CSK: variants seen among roughly 807,000 people sequenced by gnomAD.
CSK encodes the protein C-terminal Src kinase, also known as tyrosine-protein kinase CSK.
A neutral mutation model predicts 62.3 loss-of-function variants in CSK; 7 were observed. That is an observed-to-expected ratio of 0.11 (90% CI 0.06 to 0.21). The LOEUF (loss-of-function observed/expected upper bound fraction) is 0.21, where lower values mean the gene tolerates loss of function less well. Ranked by LOEUF, CSK falls within the 10% of genes least tolerant of loss-of-function variation. The pLI is 1.00. For missense variants in CSK, 294 were observed against 613.5 expected, an observed-to-expected ratio of 0.48 and a Z score of 5.50; for synonymous variants, 237 against 246.0, an observed-to-expected ratio of 0.96 and a Z score of 0.34.
At position 74,784,075 on chromosome 15, in the gene CSK, T is replaced by C. The variant is rs34925935; in HGVS notation, c.-66+1355T>C. Among the ~76,000 whole-genome samples, 846 of 152,150 alleles carry C rather than the reference T, an allele frequency of 5.6e-3. 6 individuals are homozygous for C. The highest frequency in any genetic ancestry group is 8.3e-3 in the Non-Finnish European group (561 of 67,978). ...AGGAACAGGGCAAGGACAGCAGGGG[T>C]GAGGTTGAGGCCTGGCAGGATCCTC... On this transcript the variant is annotated intron_variant, in intron 1 of 12. Coordinates refer to ENST00000220003, the MANE Select transcript of CSK (RefSeq NM_004383.3).
At position 74,786,041 on chromosome 15, in the gene CSK, G is replaced by GTGTGTGTGTGTA. The variant is rs1309378640; in HGVS notation, c.-66+3323_-66+3324insTGTGTGTGTATG. On this transcript the variant is annotated intron_variant, in intron 1 of 12. Transcript: ENST00000220003. ...TGTGTGTGTGTGTGTGTGTGTGTGT[G>GTGTGTGTGTGTA]TGAGATGGAGTTTTGCTCTTGTTGC... 4.7e-3 allele frequency among the ~76,000 whole-genome samples: 560 copies of GTGTGTGTGTGTA among 119,136 alleles called. 16 individuals carry two copies. Among genetic ancestry groups the GTGTGTGTGTGTA allele is most frequent in the Admixed American group, 0.033 (376 of 11,388 alleles). The allele number at this position is 119,136 out of a possible 152,430, so 78.2% of individuals were successfully genotyped here.
At chr15:74,799,918 C>T (rs1596372707) in intron 5 of CSK, among the ~76,000 whole-genome samples, 1 of 152,230 alleles carries the variant, frequency 6.6e-6, no homozygotes, top group Non-Finnish European at 1.5e-5. Context: ...CTGAGGCTCT[C>T]GCACCTGCAC....
Position 74,797,877 on chromosome 15 carries a change from C to T in CSK, c.-65-356C>T, listed in dbSNP as rs182263138. ...AAGGGACTTTCTCAGATCACATAGCCCCTTCTCAGAGCTGCTCCGGGGCCC... is the reference window on the plus strand; with the variant it reads ...AAGGGACTTTCTCAGATCACATAGCTCCTTCTCAGAGCTGCTCCGGGGCCC... On this transcript the variant is annotated intron_variant, in intron 1 of 12. Transcript: ENST00000220003. The T allele has an allele frequency of 1.2e-4, 20 of 172,438 alleles. 1 individual carries two copies. The highest frequency in any genetic ancestry group is 1.0e-3 in the Admixed American group (18 of 17,878). The allele number at this position is 172,438 out of a possible 1,614,324, so 10.7% of individuals were successfully genotyped here.
intron 1 of CSK, chr15:74,788,822 G>A (rs1266421929): frequency 6.5e-6 from 1 of 154,252 alleles, no homozygotes; most frequent in Non-Finnish European, 1.5e-5. Context: ...GAAGGCTAGT[G>A]CTGAGAGGCT....
At chr15:74,786,968 G>C (rs1020671699) in intron 1 of CSK, among the ~76,000 whole-genome samples, 2 of 152,224 alleles carry the variant, frequency 1.3e-5, no homozygotes. Context: ...CTGCCCTCCT[G>C]TCCCACAGCT....
At position 74,798,536 on chromosome 15, in the gene CSK, G is replaced by T; in HGVS notation, c.16-79G>T. The stretch of plus-strand genomic sequence containing the variant: ...CAGGCTCACAGAGGCCAGCTCAGAG[G>T]CTGTGACCACGAGGGTGCGCCAGCA... On this transcript the variant is annotated intron_variant, in intron 2 of 12. Coordinates refer to ENST00000220003, the MANE Select transcript of CSK (RefSeq NM_004383.3). This position sits in a 1 kb window ranked among gnomAD's most constrained non-coding sequence, Gnocchi z 6.6. 7.2e-7 allele frequency: 1 copy of T among 1,388,012 alleles called. No individual in the cohort carries two copies. Among genetic ancestry groups the T allele is most frequent in the Non-Finnish European group, 1.0e-6 (1 of 988,494 alleles). The allele number at this position is 1,388,012 out of a possible 1,614,324, so 86.0% of individuals were successfully genotyped here.
chr15:74,795,460 C>T (rs949620733), intron 1 of CSK, among the ~76,000 whole-genome samples: 1 of 152,178 alleles, frequency 6.6e-6, no homozygotes, highest in East Asian at 1.9e-4. Context: ...CAAAGAGGCT[C>T]ATGGAGGAGT....
rs928138731 is a variant in CSK, at chr15:74,802,833, G to A, written c.*320G>A. ...TCCTTTTTTGAGATTTTTTTTCCGT[G>A]TGTTTATTTTTTATTATTTTTCAAG... is the stretch of plus-strand genomic sequence containing the variant. On this transcript the variant is annotated 3_prime_UTR_variant, in exon 13 of 13. Transcript: ENST00000220003. 2.8e-5 allele frequency: 8 copies of A among 285,938 alleles called. No homozygotes were observed. Among genetic ancestry groups the A allele is most frequent in the African/African-American group, 1.3e-4 (6 of 45,096 alleles). 17.7% of individuals were successfully genotyped at this position (285,938 alleles called of 1,614,324 possible). A position where few individuals can be genotyped will look rare whatever the true frequency, so the allele number is the denominator to read the frequency against.
intron 1 of CSK, among the ~76,000 whole-genome samples, chr15:74,796,749 A>C (rs891104940): frequency 1.3e-5 from 2 of 152,188 alleles, no homozygotes; most frequent in East Asian, 3.8e-4. Context: ...GACCCACTTC[A>C]TGATTGGGCT....
intron 1 of CSK, chr15:74,788,635 A>G (rs1007177021): frequency 6.5e-6 from 1 of 154,014 alleles, no homozygotes; most frequent in African/African-American, 2.4e-5. Flanking sequence ...TGATCCCCAC[A>G]GCTTTACCTT....
chr15:74,799,310 G>T lies in CSK; in HGVS notation c.281G>T (p.Arg94Leu), dbSNP rs751418156. ...AAGATCACACGGGAGCAGGCTGAGC[G>T]GCTTCTGTACCCGCCGGAGACAGGC... Reference protein sequence around the residue: ...HGKITREQAERLLYPPETGLF... With the variant: ...HGKITREQAELLLYPPETGLF... The change falls in exon 5 of 13, where the codon CGG (arginine) becomes CTG (leucine). Residue 94 changes from arginine to leucine, a missense_variant. This residue lies in a region of CSK where 202 missense variants were observed against 415.7 expected (regional missense o/e 0.49). Coordinates refer to ENST00000220003, the MANE Select transcript of CSK (RefSeq NM_004383.3). 3.7e-6 allele frequency: 6 copies of T among 1,611,580 alleles called. No homozygotes were observed. Among genetic ancestry groups the T allele is most frequent in the African/African-American group, 1.3e-5 (1 of 74,876 alleles).
At chr15:74,800,173 G>T (rs2063766861) in intron 5 of CSK, among the ~76,000 whole-genome samples, 1 of 152,236 alleles carries the variant, frequency 6.6e-6, no homozygotes, top group Non-Finnish European at 1.5e-5. Context: ...ATGGGGCCCA[G>T]AGTGGTAGCA....
Position 74,802,381 on chromosome 15 carries a change from C to A in CSK, c.1221C>A (p.Ala407=). 1.2e-6 allele frequency: 2 copies of A among 1,610,912 alleles called. No homozygotes were observed. The highest frequency in any genetic ancestry group is 1.7e-6 in the Non-Finnish European group (2 of 1,179,318). ...TGGAGAAGGGCTACAAGATGGATGCCCCCGACGGCTGCCCGCCCGCAGTCT... is the reference window on the plus strand; with the variant it reads ...TGGAGAAGGGCTACAAGATGGATGCACCCGACGGCTGCCCGCCCGCAGTCT... The part of the protein sequence containing the change: ...PRVEKGYKMD[A]PDGCPPAVYE... The change falls in exon 13 of 13, where the codon GCC becomes GCA. Residue 407 remains alanine (A), a synonymous_variant. Transcript: ENST00000220003.
intron 1 of CSK, among the ~76,000 whole-genome samples, chr15:74,789,117 GGGGGCA>G (rs375412598): frequency 6.6e-6 from 1 of 152,294 alleles, no homozygotes; most frequent in African/African-American, 2.4e-5. Flanking sequence ...CTGAACCATT[GGGGGCA>G]GGGGAAAAAA....
intron 1 of CSK, among the ~76,000 whole-genome samples, chr15:74,786,013 TTGTGTGTGTG>T (rs1555464578): frequency 2.1e-5 from 1 of 47,816 alleles, no homozygotes; most frequent in Non-Finnish European, 5.5e-5. Flanking sequence ...TTTTTTTTTT[TTGTGTGTGTG>T]TGTGTGTGTG....
chr15:74,786,624 C>T (rs116803182), intron 1 of CSK, among the ~76,000 whole-genome samples: 74 of 152,276 alleles, frequency 4.9e-4, no homozygotes, highest in African/African-American at 1.8e-3. Flanking sequence ...AGGTGTTCCC[C>T]AGGTCTAACC....
intron 1 of CSK, among the ~76,000 whole-genome samples, chr15:74,792,702 G>A (rs561044764): frequency 6.6e-6 from 1 of 152,346 alleles, no homozygotes; most frequent in African/African-American, 2.4e-5. Flanking sequence ...GATGTTTTAA[G>A]GAGGGGACCC....
In CSK at chr15:74,798,978, T is replaced by C. The variant is rs1340032708; in HGVS notation, c.242+40T>C. ...GAGGGGTTGGGGAGGGAAGGGGCCT[T>C]GGTCCTCCTGAAGGAGCATCAGGAG... On this transcript the variant is annotated intron_variant, in intron 4 of 12. Coordinates refer to ENST00000220003, the MANE Select transcript of CSK (RefSeq NM_004383.3). The surrounding 1 kb of genome is among the most constrained non-coding windows in gnomAD (Gnocchi z 6.6). The C allele has an allele frequency of 6.8e-7, 1 of 1,463,598 alleles. No individual in the cohort carries two copies. Among genetic ancestry groups the C allele is most frequent in the South Asian group, 1.4e-5 (1 of 74,040 alleles). 90.7% of individuals were successfully genotyped at this position (1,463,598 alleles called of 1,614,324 possible).
chr15:74,785,509 G>T (rs899199116), intron 1 of CSK, among the ~76,000 whole-genome samples: 1 of 152,178 alleles, frequency 6.6e-6, no homozygotes, highest in African/African-American at 2.4e-5. Flanking sequence ...ACCTTAGACA[G>T]GTCACTGACC....
Sources: allele counts gnomAD v4.1 joint callset (sites outside exome capture counted in the v4.1 genomes callset), GRCh38; gene constraint gnomAD v4.1.1; regional missense constraint gnomAD v4.1.1; non-coding constraint Gnocchi (gnomAD v3.1); transcripts MANE v1.5; gene names NCBI Gene and HGNC (gene_info 2026-07-23, HGNC 2026-07-21).